Variants in UBE3A observed in about 807,000 individuals in gnomAD.
The protein encoded by UBE3A is ubiquitin-protein ligase E3A.
A neutral mutation model predicts 83.4 loss-of-function variants in UBE3A; 6 were observed. The ratio of observed to expected loss-of-function variants is 0.07; its 90% CI spans 0.04 to 0.14. The LOEUF is 0.14. UBE3A is among the 10% of genes least tolerant of loss of function. The probability of loss-of-function intolerance (pLI) is 1.00; values close to 1 mark genes in which losing one functional copy is unlikely to be tolerated. For missense variants in UBE3A, 456 were observed against 1,036.1 expected (o/e 0.44, Z 7.69); for synonymous variants, 337 against 355.4 (o/e 0.95, Z 0.58).
intron 4 of UBE3A, among the ~76,000 whole-genome samples, chr15:25,385,791 A>C (rs918875681): frequency 6.6e-6 from 1 of 152,094 alleles, no homozygotes; most frequent in Non-Finnish European, 1.5e-5. Context: ...GAAGTGTAAT[A>C]GACAAATTGA....
In UBE3A at chr15:25,371,610, A is replaced by T; in HGVS notation, c.564T>A (p.Asp188Glu). Reference sequence around the variant, plus strand: ...CAGAACATGCAGCTTTTTCCTTTTCATCTTCATCTTTGTCTTCATCTTTTG... The same window carrying T: ...CAGAACATGCAGCTTTTTCCTTTTCTTCTTCATCTTTGTCTTCATCTTTTG... ...LQAKDEDKDE[D>E]EKEKAACSAA... The change falls in exon 6 of 13, where the codon GAT becomes GAA. Residue 188 changes from aspartate (D) to glutamate (E), a missense_variant. Physicochemically the swap from Asp to Glu is conservative, Grantham distance 45 (BLOSUM62 2). This residue lies in a region of UBE3A where 42 missense variants were observed against 41.8 expected (regional missense o/e 1.00). Coordinates refer to ENST00000648336, the MANE Select transcript of UBE3A (RefSeq NM_130839.5). The surrounding 1 kb of genome is among the most constrained non-coding windows in gnomAD (Gnocchi z 5.3). 1.2e-6 allele frequency: 2 copies of T among 1,613,938 alleles called. No individual in the cohort carries two copies. The highest frequency in any genetic ancestry group is 1.7e-6 in the Non-Finnish European group (2 of 1,179,996).
At chr15:25,405,391 T>C (rs921308036) in intron 4 of UBE3A, 70 bp downstream of exon 4, 28 of 1,491,308 alleles carry the variant, frequency 1.9e-5, no homozygotes, top group Non-Finnish European at 2.4e-5. Flanking sequence ...TTCCAAATAA[T>C]GTGACGTAAT....
intron 11 of UBE3A, 82 bp downstream of exon 11, chr15:25,354,271 G>T: frequency 1.6e-6 from 2 of 1,226,924 alleles, no homozygotes; most frequent in Non-Finnish European, 2.4e-6. Flanking sequence ...TTGGGAATTA[G>T]TACCTAGAGA....
At chr15:25,351,069 G>A (rs1484748244) in intron 11 of UBE3A, among the ~76,000 whole-genome samples, 2 of 152,032 alleles carry the variant, frequency 1.3e-5, no homozygotes, top group Non-Finnish European at 2.9e-5. Context: ...ACACAACATC[G>A]ACACCACCAT....
intron 6 of UBE3A, among the ~76,000 whole-genome samples, chr15:25,363,386 T>A (rs929398851): frequency 6.6e-6 from 1 of 152,216 alleles, no homozygotes; most frequent in African/African-American, 2.4e-5. Flanking sequence ...TCTGAAAACC[T>A]ACCATAGCAT....
chr15:25,421,178 T>C (rs903274749), intron 1 of UBE3A, among the ~76,000 whole-genome samples: 1 of 152,132 alleles, frequency 6.6e-6, no homozygotes, highest in Non-Finnish European at 1.5e-5. Flanking sequence ...TTCGCAGATG[T>C]GGTCGTTTAA....
rs748803444 is a variant in UBE3A at position 25,354,694 on chromosome 15, C to T, written c.2125-11G>A. 3 of 1,608,924 alleles carry T rather than the reference C, an allele frequency of 1.9e-6. No individual in the cohort carries two copies. ...AAGATTGACAAATTCCTGTAGAAAA[C>T]ATTAATCACAAGAACTTCTTATAAT... On this transcript the variant is annotated splice_polypyrimidine_tract_variant and intron_variant, in intron 9 of 12. Transcript: ENST00000648336.
chr15:25,419,867 C>T (rs1888874429), intron 1 of UBE3A, among the ~76,000 whole-genome samples: 1 of 151,698 alleles, frequency 6.6e-6, no homozygotes, highest in Non-Finnish European at 1.5e-5. Context: ...TATTGTAAAT[C>T]CTAGAAGTAT....
At chr15:25,353,414 C>T (rs187434816) in intron 11 of UBE3A, among the ~76,000 whole-genome samples, 94 of 152,238 alleles carry the variant, frequency 6.2e-4, no homozygotes, top group Admixed American at 2.2e-3. Flanking sequence ...CATGCACGCT[C>T]AAGTTCTGCA....
intron 1 of UBE3A, among the ~76,000 whole-genome samples, chr15:25,432,277 G>A (rs1893702175): frequency 6.6e-6 from 1 of 152,106 alleles, no homozygotes; most frequent in Admixed American, 6.5e-5. Context: ...ATTAGGAGGT[G>A]GAAAGTTTCA....
chr15:25,430,000 A>G (rs1441406797), intron 1 of UBE3A, among the ~76,000 whole-genome samples: 3 of 123,832 alleles, frequency 2.4e-5, no homozygotes, highest in African/African-American at 3.4e-5. Flanking sequence ...GCGAGACTAC[A>G]TCTCAGGAGG....
At chr15:25,425,125 A>G (rs747960297) in intron 1 of UBE3A, among the ~76,000 whole-genome samples, 15 of 152,202 alleles carry the variant, frequency 9.9e-5, no homozygotes, top group Admixed American at 5.2e-4. Context: ...AGTAATCAAG[A>G]GTGTGTGTTA....
intron 6 of UBE3A, among the ~76,000 whole-genome samples, chr15:25,365,190 TAAAA>T (rs930425710): frequency 1.4e-3 from 210 of 149,724 alleles, no homozygotes; most frequent in African/African-American, 4.5e-3. Context: ...GTTCATTTTT[TAAAA>T]AAAAAATCTG....
At chr15:25,423,252 G>A (rs1890353543) in intron 1 of UBE3A, among the ~76,000 whole-genome samples, 1 of 151,906 alleles carries the variant, frequency 6.6e-6, no homozygotes, top group Non-Finnish European at 1.5e-5. Context: ...CAATTTCCCA[G>A]GTTATTTATA....
chr15:25,435,347 T>C (rs1236550279), intron 1 of UBE3A, among the ~76,000 whole-genome samples: 2 of 152,146 alleles, frequency 1.3e-5, no homozygotes, highest in South Asian at 2.1e-4. Flanking sequence ...GCTCAGCTCA[T>C]AGAAGCCACA....
At chr15:25,429,885 G>A (rs1420698904) in intron 1 of UBE3A, among the ~76,000 whole-genome samples, 2 of 149,140 alleles carry the variant, frequency 1.3e-5, no homozygotes, top group East Asian at 4.0e-4. Context: ...CACACCTGTA[G>A]TCTCTGCTAC....
intron 11 of UBE3A, 88 bp downstream of exon 11, chr15:25,354,265 G>GAATT: frequency 8.5e-7 from 1 of 1,169,966 alleles, no homozygotes; most frequent in Non-Finnish European, 1.3e-6. Flanking sequence ...GCTTATTTGG[G>GAATT]AATTAGTACC....
intron 4 of UBE3A, among the ~76,000 whole-genome samples, chr15:25,398,794 T>TATATATATATAAAAATAC (rs2086297435): frequency 1.4e-5 from 1 of 72,578 alleles, no homozygotes; most frequent in African/African-American, 4.8e-5. Context: ...TATATATATA[T>TATATATATATAAAAATAC]ATATATATAT....
At chr15:25,385,042 C>T (rs959885528) in intron 4 of UBE3A, among the ~76,000 whole-genome samples, 2 of 152,166 alleles carry the variant, frequency 1.3e-5, no homozygotes, top group Non-Finnish European at 2.9e-5. Flanking sequence ...TGACATTGGA[C>T]TTGGCAATGA....
Sources: allele counts gnomAD v4.1 joint callset (sites outside exome capture counted in the v4.1 genomes callset), GRCh38; gene constraint gnomAD v4.1.1; regional missense constraint gnomAD v4.1.1; non-coding constraint Gnocchi (gnomAD v3.1); transcripts MANE v1.5; gene names NCBI Gene and HGNC (gene_info 2026-07-23, HGNC 2026-07-21).